The following PTCSC3 variants were observed in gnomAD, a reference collection of about 807,000 sequenced individuals.
The protein encoded by PTCSC3 is papillary thyroid carcinoma susceptibility candidate 3 (non-protein coding).
In PTCSC3 at chr14:36,156,892, A is replaced by G. The variant is rs549763958; in HGVS notation, n.232-2998T>C. Among the ~76,000 whole-genome samples, 96 of 152,262 alleles carry G rather than the reference A, an allele frequency of 6.3e-4. 1 individual carries two copies. The South Asian group carries it at 0.011, about 18-fold the overall frequency. The stretch of plus-strand genomic sequence containing the variant: ...TAAACATGCATGTACATGTGTCTTT[A>G]TAGTAGAATGATTTATAATCCTTTG... On this transcript the variant is annotated intron_variant and non_coding_transcript_variant, in intron 2 of 3. Transcript: ENST00000556013.
intron 3 of PTCSC3, among the ~76,000 whole-genome samples, chr14:36,151,289 C>G (rs140316514): frequency 3.3e-5 from 5 of 151,928 alleles, no homozygotes; most frequent in African/African-American, 1.2e-4. Flanking sequence ...ATTACCCCCC[C>G]GCCCCTGCCC....
In PTCSC3 at chr14:36,150,753, T is replaced by G. The variant is rs905221983; in HGVS notation, n.322+3051A>C. On this transcript the variant is annotated intron_variant and non_coding_transcript_variant, in intron 3 of 3. Coordinates refer to ENST00000556013, the Ensembl canonical transcript of PTCSC3. ...ATATTTACAAATAATCTAAGTTCAC[T>G]ATCAAATAATAGTATGTAGCTTCAT... Among the ~76,000 whole-genome samples, 5 of 152,216 alleles carry G rather than the reference T, an allele frequency of 3.3e-5. No individual in the cohort carries two copies. The South Asian group carries it at 1.0e-3, about 31-fold the overall frequency.
downstream of PTCSC3, among the ~76,000 whole-genome samples, chr14:36,135,389 G>A (rs1881262972): frequency 6.6e-6 from 1 of 152,168 alleles, no homozygotes; most frequent in Non-Finnish European, 1.5e-5. Flanking sequence ...TCAAGTATGA[G>A]TTCCCATTCT....
chr14:36,147,159 A>G (rs1881595034), intron 3 of PTCSC3, among the ~76,000 whole-genome samples: 1 of 151,966 alleles, frequency 6.6e-6, no homozygotes, highest in Non-Finnish European at 1.5e-5. Context: ...GCTCTTCTGG[A>G]GGAGTATCTT....
At chr14:36,158,727 GTC>G (rs1881882674) in intron 2 of PTCSC3, among the ~76,000 whole-genome samples, 1 of 152,174 alleles carries the variant, frequency 6.6e-6, no homozygotes, top group South Asian at 2.1e-4. Flanking sequence ...TTTTGGTTGT[GTC>G]TCTGCCAGGT....
chr14:36,148,382 C>T (rs569596404), intron 3 of PTCSC3, among the ~76,000 whole-genome samples: 1 of 152,294 alleles, frequency 6.6e-6, no homozygotes, highest in Middle Eastern at 3.4e-3. Context: ...GTTTTTTAAG[C>T]CTGTCGGAAA....
chr14:36,157,566 G>T (rs2139103002), intron 2 of PTCSC3, among the ~76,000 whole-genome samples: 1 of 151,718 alleles, frequency 6.6e-6, no homozygotes, highest in African/African-American at 2.4e-5. Flanking sequence ...CATCTTTTTT[G>T]TATAAGGTGT....
intron 2 of PTCSC3, among the ~76,000 whole-genome samples, chr14:36,157,049 A>G (rs1167752643): frequency 2.6e-5 from 4 of 152,082 alleles, no homozygotes; most frequent in Non-Finnish European, 4.4e-5. Context: ...AAGCTTTCCT[A>G]TTTCTCCACA....
intron 2 of PTCSC3, among the ~76,000 whole-genome samples, chr14:36,159,626 AT>A (rs1881909769): frequency 1.3e-5 from 2 of 152,040 alleles, no homozygotes; most frequent in South Asian, 4.1e-4. Flanking sequence ...TATGATTTCC[AT>A]TCTTTTGCAT....
intron 1 of PTCSC3, among the ~76,000 whole-genome samples, chr14:36,175,282 C>G (rs1474203197): frequency 6.6e-6 from 1 of 152,226 alleles, no homozygotes; most frequent in Non-Finnish European, 1.5e-5. Flanking sequence ...CACTTCCCTT[C>G]TCTCAAGGAG....
chr14:36,158,781 G>A (rs1881883985), intron 2 of PTCSC3, among the ~76,000 whole-genome samples: 1 of 152,170 alleles, frequency 6.6e-6, no homozygotes. Context: ...ATGACTTAGG[G>A]AGGAGTCCTT....
chr14:36,147,840 G>A (rs1881618187), intron 3 of PTCSC3, among the ~76,000 whole-genome samples: 1 of 151,924 alleles, frequency 6.6e-6, no homozygotes, highest in African/African-American at 2.4e-5. Flanking sequence ...ATGGGTTTTT[G>A]GTGTGGAAGT....
At chr14:36,151,306 T>G (rs886967664) in intron 3 of PTCSC3, among the ~76,000 whole-genome samples, 1 of 152,036 alleles carries the variant, frequency 6.6e-6, no homozygotes, top group Non-Finnish European at 1.5e-5. Context: ...GCCCTCTGGC[T>G]TTTTTCAAGA....
At chr14:36,174,886 C>T (rs1882255627) in intron 1 of PTCSC3, among the ~76,000 whole-genome samples, 1 of 152,168 alleles carries the variant, frequency 6.6e-6, no homozygotes, top group Non-Finnish European at 1.5e-5. Context: ...TAAATCTCTC[C>T]TCTCTGGCAG....
intron 3 of PTCSC3, among the ~76,000 whole-genome samples, chr14:36,140,123 A>G (rs571374487): frequency 6.6e-6 from 1 of 152,204 alleles, no homozygotes; most frequent in Non-Finnish European, 1.5e-5. Flanking sequence ...TTCACTTTGC[A>G]ATATGCATTT....
At chr14:36,141,523 T>G (rs1419113531) in intron 3 of PTCSC3, among the ~76,000 whole-genome samples, 1 of 152,084 alleles carries the variant, frequency 6.6e-6, no homozygotes. Context: ...CAGCTAATTT[T>G]TGTATTTTTA....
rs527642915 is a variant in PTCSC3 at position 36,160,948 on chromosome 14, G to T, written n.231+1676C>A. Among the ~76,000 whole-genome samples the T allele has an allele frequency of 5.3e-5, 8 of 151,698 alleles. No homozygotes were observed. In the South Asian group the frequency reaches 1.7e-3, roughly 32 times the overall value. On this transcript the variant is annotated intron_variant and non_coding_transcript_variant, in intron 2 of 3. Coordinates refer to ENST00000556013, the Ensembl canonical transcript of PTCSC3. Reference sequence around the variant, plus strand: ...TTTTTATTCTTTTTTCTTTAATTTTGTCTTCATGCTTTATTTCATTAAGTT... The same window carrying T: ...TTTTTATTCTTTTTTCTTTAATTTTTTCTTCATGCTTTATTTCATTAAGTT...
chr14:36,139,568 A>G (rs1472154907), intron 3 of PTCSC3, among the ~76,000 whole-genome samples: 1 of 152,114 alleles, frequency 6.6e-6, no homozygotes, highest in Non-Finnish European at 1.5e-5. Flanking sequence ...TACCCCCCCA[A>G]TACACACACA....
At chr14:36,173,371 T>C (rs540808543) in intron 1 of PTCSC3, among the ~76,000 whole-genome samples, 5 of 152,282 alleles carry the variant, frequency 3.3e-5, no homozygotes, top group Admixed American at 3.3e-4. Context: ...CTCTGAATCA[T>C]AGCCCTCTTT....
Sources: allele counts gnomAD v4.1 joint callset (sites outside exome capture counted in the v4.1 genomes callset), GRCh38; gene constraint gnomAD v4.1.1; transcripts MANE v1.5; gene names NCBI Gene and HGNC (gene_info 2026-07-23, HGNC 2026-07-21).